Variants in CATSPERT observed in about 807,000 individuals in gnomAD.
The protein encoded by CATSPERT is cation channel sperm-associated targeting subunit tau.
chr2:201,531,949 C>T, the CATSPERT span, among the ~76,000 whole-genome samples: 2 of 152,130 alleles, frequency 1.3e-5, no homozygotes, highest in Admixed American at 1.3e-4. Flanking sequence ...TTTACAAGAT[C>T]GGTCTGGCTG....
At chr2:201,499,752 G>C in the CATSPERT span, among the ~76,000 whole-genome samples, 1 of 151,674 alleles carries the variant, frequency 6.6e-6, no homozygotes, top group African/African-American at 2.4e-5. Flanking sequence ...GGGATCACTT[G>C]AGCCTGGGAG....
At chr2:201,563,476 A>C in the CATSPERT span, among the ~76,000 whole-genome samples, 10 of 61,686 alleles carry the variant, frequency 1.6e-4, no homozygotes, top group South Asian at 7.1e-4. Flanking sequence ...CTGACCCCCC[A>C]CCTCCCTCCC....
At chr2:201,531,205 T>G in the CATSPERT span, among the ~76,000 whole-genome samples, 3 of 151,870 alleles carry the variant, frequency 2.0e-5, no homozygotes, top group African/African-American at 7.3e-5. Flanking sequence ...GTGATTCACC[T>G]GCCTCGGCCT....
chr2:201,618,899 C>T, the CATSPERT span: 1 of 1,613,542 alleles, frequency 6.2e-7, no homozygotes, highest in East Asian at 2.2e-5. Flanking sequence ...CGCTCACTCA[C>T]GTTCAGCAGC....
At chr2:201,544,830 A>G in the CATSPERT span, among the ~76,000 whole-genome samples, 1 of 150,240 alleles carries the variant, frequency 6.7e-6, no homozygotes, top group Non-Finnish European at 1.5e-5. Context: ...ACAAAAAAAA[A>G]AAAAAAAAAT....
At chr2:201,488,416 G>C in the CATSPERT span, among the ~76,000 whole-genome samples, 1 of 152,118 alleles carries the variant, frequency 6.6e-6, no homozygotes, top group Non-Finnish European at 1.5e-5. Context: ...TACAGAGGGA[G>C]AGAGTGTGTG....
chr2:201,613,946 A>G, the CATSPERT span, among the ~76,000 whole-genome samples: 3 of 152,218 alleles, frequency 2.0e-5, no homozygotes, highest in Admixed American at 2.0e-4. Flanking sequence ...ATCAAGTGGA[A>G]GAAAGGGTAT....
chr2:201,496,034 T>A, the CATSPERT span: 1 of 1,092,572 alleles, frequency 9.2e-7, no homozygotes, highest in Admixed American at 2.1e-5. Flanking sequence ...ATCATTTTAT[T>A]CTTGCAATAG....
chr2:201,534,644 G>C, the CATSPERT span: 2 of 984,882 alleles, frequency 2.0e-6, no homozygotes, highest in Admixed American at 6.2e-5. Flanking sequence ...TTATTTAAAA[G>C]ACCATTAATA....
At chr2:201,578,739 T>C in the CATSPERT span, among the ~76,000 whole-genome samples, 1 of 152,178 alleles carries the variant, frequency 6.6e-6, no homozygotes, top group African/African-American at 2.4e-5. Flanking sequence ...AAAATAAATA[T>C]TGAAAAGTTT....
chr2:201,499,418 TCTC>T, the CATSPERT span, among the ~76,000 whole-genome samples: 2 of 152,196 alleles, frequency 1.3e-5, no homozygotes, highest in African/African-American at 2.4e-5. Context: ...TTTTTCCTCT[TCTC>T]AGTTGATGAT....
At chr2:201,563,299 C>A in the CATSPERT span, among the ~76,000 whole-genome samples, 1 of 131,456 alleles carries the variant, frequency 7.6e-6, no homozygotes, top group East Asian at 2.3e-4. Context: ...CCGGACGGGG[C>A]GGCTGGCCGG....
At chr2:201,536,329 T>C in the CATSPERT span, 1 of 1,576,106 alleles carries the variant, frequency 6.3e-7, no homozygotes, top group South Asian at 1.2e-5. Context: ...AACTAGAAAA[T>C]ACAGCAATAA....
At chr2:201,497,190 A>G in the CATSPERT span, among the ~76,000 whole-genome samples, 1 of 152,198 alleles carries the variant, frequency 6.6e-6, no homozygotes, top group East Asian at 1.9e-4. Flanking sequence ...AAATGACCCT[A>G]TTCTTAAAGC....
At chr2:201,549,002 TAC>T in the CATSPERT span, among the ~76,000 whole-genome samples, 3 of 151,352 alleles carry the variant, frequency 2.0e-5, no homozygotes, top group Admixed American at 6.6e-5. Flanking sequence ...TCCATTATAC[TAC>T]ACACACACAC....
chr2:201,520,690 C>G, the CATSPERT span, among the ~76,000 whole-genome samples: 1 of 151,990 alleles, frequency 6.6e-6, no homozygotes, highest in African/African-American at 2.4e-5. Context: ...CAGTTTGAGA[C>G]TAGCCTGGCC....
chr2:201,613,001 G>A, the CATSPERT span, among the ~76,000 whole-genome samples: 1 of 152,264 alleles, frequency 6.6e-6, no homozygotes, highest in Non-Finnish European at 1.5e-5. Flanking sequence ...CAAGGCTGGG[G>A]GAGGGGCATC....
At chr2:201,497,607 C>T in the CATSPERT span, among the ~76,000 whole-genome samples, 22 of 152,234 alleles carry the variant, frequency 1.4e-4, no homozygotes, top group South Asian at 6.2e-4. Context: ...TGTTTTCACA[C>T]GAAAGTAGCT....
At chr2:201,492,060 T>C in the CATSPERT span, 1 of 1,530,154 alleles carries the variant, frequency 6.5e-7, no homozygotes, top group Non-Finnish European at 8.7e-7. Flanking sequence ...TAATTAAAGA[T>C]GAATTTCCCT....
Sources: gnomAD v4.1 joint callset for allele counts (sites outside exome capture counted in the v4.1 genomes callset) on GRCh38, gnomAD v4.1.1 for gene constraint, MANE v1.5 for transcripts, NCBI Gene and HGNC (gene_info 2026-07-23, HGNC 2026-07-21) for gene names.